Variants in SLC39A11 observed in about 807,000 individuals in gnomAD.
SLC39A11 encodes the protein zinc transporter ZIP11.
SLC39A11 carries 33 observed loss-of-function variants against 36.1 expected under a neutral mutation model. That is an observed-to-expected ratio of 0.91 (90% confidence interval 0.69 to 1.22). The LOEUF (loss-of-function observed/expected upper bound fraction) is 1.22, where lower values mean the gene tolerates loss of function less well. Ranked by LOEUF, SLC39A11 falls within the 50% of genes most tolerant of loss-of-function variation. The pLI is 0.00. For missense variants in SLC39A11, 432 were observed against 430.3 expected (o/e 1.00, Z -0.03); for synonymous variants, 166 against 170.3 (o/e 0.97, Z 0.20).
At chr17:72,929,845 G>A (rs2084274403) in intron 5 of SLC39A11, among the ~76,000 whole-genome samples, 2 of 152,144 alleles carry the variant, frequency 1.3e-5, no homozygotes, top group Non-Finnish European at 2.9e-5. Context: ...TTAGAAAACA[G>A]GGCACATCGC....
intron 7 of SLC39A11, among the ~76,000 whole-genome samples, chr17:72,713,392 C>A (rs569027353): frequency 6.6e-6 from 1 of 152,260 alleles, no homozygotes; most frequent in Admixed American, 6.5e-5. Flanking sequence ...CTCCTGCACT[C>A]CCAGCCAGGG....
At chr17:72,800,001 G>A (rs577027387) in intron 6 of SLC39A11, among the ~76,000 whole-genome samples, 1 of 152,146 alleles carries the variant, frequency 6.6e-6, no homozygotes, top group South Asian at 2.1e-4. Context: ...GTCACCCCCA[G>A]CAGCCCAGCT....
intron 5 of SLC39A11, among the ~76,000 whole-genome samples, chr17:72,897,593 T>C (rs2082095989): frequency 6.6e-6 from 1 of 152,154 alleles, no homozygotes; most frequent in African/African-American, 2.4e-5. Flanking sequence ...TGGGATGAGC[T>C]GAGTTTGAAG....
At chr17:72,710,668 CATGA>C (rs1252081205) in intron 7 of SLC39A11, among the ~76,000 whole-genome samples, 1 of 152,206 alleles carries the variant, frequency 6.6e-6, no homozygotes, top group Non-Finnish European at 1.5e-5. Flanking sequence ...GTTGTAGCAG[CATGA>C]ATGAACTAAG....
At chr17:72,948,030 G>A (rs374905726) in intron 4 of SLC39A11, among the ~76,000 whole-genome samples, 155 bp from the exon 5 acceptor site, 30 of 152,280 alleles carry the variant, frequency 2.0e-4, no homozygotes, top group African/African-American at 7.2e-4. Flanking sequence ...AGGCCATGCT[G>A]GGTCTTCAGG....
chr17:72,743,502 G>C (rs2074803212), intron 6 of SLC39A11, among the ~76,000 whole-genome samples: 1 of 152,160 alleles, frequency 6.6e-6, no homozygotes, highest in Non-Finnish European at 1.5e-5. Flanking sequence ...TGGCGGGAGA[G>C]AACCACAACT....
At chr17:73,052,188 A>AAG (rs397690995) in intron 3 of SLC39A11, among the ~76,000 whole-genome samples, 2 of 150,908 alleles carry the variant, frequency 1.3e-5, no homozygotes, top group African/African-American at 4.9e-5. Flanking sequence ...GAAAAAAAAA[A>AAG]GAAGAAAGCC....
intron 4 of SLC39A11, among the ~76,000 whole-genome samples, chr17:72,994,029 A>G (rs2089349575): frequency 6.6e-6 from 1 of 152,062 alleles, no homozygotes; most frequent in Non-Finnish European, 1.5e-5. Context: ...TTCCATATGA[A>G]CTACATATTT....
At chr17:73,081,972 G>A (rs566942442) in intron 3 of SLC39A11, among the ~76,000 whole-genome samples, 1 of 151,272 alleles carries the variant, frequency 6.6e-6, no homozygotes, top group Admixed American at 6.6e-5. Flanking sequence ...GGGTAGGGGG[G>A]CTAGGGGTGA....
At chr17:73,071,639 G>A (rs1472491974) in intron 3 of SLC39A11, among the ~76,000 whole-genome samples, 1 of 152,230 alleles carries the variant, frequency 6.6e-6, no homozygotes, top group African/African-American at 2.4e-5. Flanking sequence ...CATTGCATCA[G>A]GGGCCAGCAG....
chr17:72,860,741 G>A (rs1598154381), intron 5 of SLC39A11, among the ~76,000 whole-genome samples: 1 of 152,172 alleles, frequency 6.6e-6, no homozygotes, highest in African/African-American at 2.4e-5. Context: ...AAAGAAAGCA[G>A]GAACAATGAT....
chr17:73,064,422 T>C (rs995178791), intron 3 of SLC39A11, among the ~76,000 whole-genome samples: 3 of 152,262 alleles, frequency 2.0e-5, no homozygotes, highest in Admixed American at 2.0e-4. Flanking sequence ...CTCCCACCAT[T>C]TGCACAAAAT....
intron 7 of SLC39A11, among the ~76,000 whole-genome samples, chr17:72,653,485 G>A (rs2069961036): frequency 6.8e-6 from 1 of 146,762 alleles, no homozygotes; most frequent in South Asian, 2.2e-4. Context: ...CACCCAGGCT[G>A]AAGTGGTGCA....
At chr17:73,077,330 G>A (rs1279830402) in intron 3 of SLC39A11, among the ~76,000 whole-genome samples, 1 of 152,180 alleles carries the variant, frequency 6.6e-6, no homozygotes, top group African/African-American at 2.4e-5. Flanking sequence ...TGTTATTGTT[G>A]TTTTGGGAGT....
chr17:73,083,384 C>A (rs1372819393), intron 3 of SLC39A11, among the ~76,000 whole-genome samples: 1 of 152,206 alleles, frequency 6.6e-6, no homozygotes, highest in Admixed American at 6.5e-5. Flanking sequence ...CAGCTACTGA[C>A]TCAGATGGCC....
chr17:72,981,528 A>T (rs754522220), intron 4 of SLC39A11, among the ~76,000 whole-genome samples: 8 of 150,326 alleles, frequency 5.3e-5, no homozygotes, highest in South Asian at 4.2e-4. Context: ...ACCAAAATAG[A>T]TTATTTTAAT....
chr17:72,651,431 G>A (rs1045505235), intron 7 of SLC39A11, among the ~76,000 whole-genome samples: 4 of 152,300 alleles, frequency 2.6e-5, no homozygotes, highest in East Asian at 3.9e-4. Context: ...CTGCAGCCCA[G>A]GGTGCTTACT....
intron 7 of SLC39A11, among the ~76,000 whole-genome samples, chr17:72,703,850 G>T (rs1389681409): frequency 1.3e-5 from 2 of 152,202 alleles, no homozygotes; most frequent in East Asian, 3.9e-4. Flanking sequence ...ACTGTTGGCC[G>T]GGGGTGGTGG....
chr17:72,959,325 GTATATATATATATATATATATATA>G (rs1186282631), intron 4 of SLC39A11, among the ~76,000 whole-genome samples: 8 of 65,550 alleles, frequency 1.2e-4, no homozygotes, highest in South Asian at 1.2e-3. Flanking sequence ...GTGTGTGTGT[GTATATATATATATATATATATATA>G]TATATATATA....
Sources: allele counts gnomAD v4.1 joint callset (sites outside exome capture counted in the v4.1 genomes callset), GRCh38; gene constraint gnomAD v4.1.1; transcripts MANE v1.5; gene names NCBI Gene and HGNC (gene_info 2026-07-23, HGNC 2026-07-21).